The following CTNND2 variants were observed in gnomAD, a reference collection of about 807,000 sequenced individuals.
The protein encoded by CTNND2 is catenin delta 2.
Under a neutral mutation model 144.4 loss-of-function variants are expected in CTNND2, and 22 were observed. The observed-to-expected ratio is 0.15, with a 90% CI of 0.11 to 0.22. The LOEUF (loss-of-function observed/expected upper bound fraction) is 0.22, where lower values mean the gene tolerates loss of function less well. Ranked by LOEUF, CTNND2 falls within the 10% of genes least tolerant of loss-of-function variation. CTNND2 has a pLI of 1.00. For synonymous variants in CTNND2, 751 were observed against 695.6 expected, an observed-to-expected ratio of 1.08 and a Z score of -1.25; for missense variants, 1,353 against 1,618.8, an observed-to-expected ratio of 0.84 and a Z score of 2.82.
intron 3 of CTNND2, among the ~76,000 whole-genome samples, chr5:11,453,669 C>A (rs1448842068): frequency 6.6e-6 from 1 of 152,126 alleles, no homozygotes; most frequent in Non-Finnish European, 1.5e-5. Context: ...GTATTATCAG[C>A]CATGATATAT....
At chr5:11,589,556 C>A (rs1444383959) in intron 2 of CTNND2, among the ~76,000 whole-genome samples, 1 of 152,082 alleles carries the variant, frequency 6.6e-6, no homozygotes, top group African/African-American at 2.4e-5. Flanking sequence ...ATCCTACCAA[C>A]CCAAAAGGCT....
At chr5:11,479,309 T>C (rs539719270) in intron 3 of CTNND2, among the ~76,000 whole-genome samples, 1 of 152,222 alleles carries the variant, frequency 6.6e-6, no homozygotes, top group African/African-American at 2.4e-5. Context: ...TCCATCCATG[T>C]TCTGGCACAG....
At chr5:11,205,713 T>C (rs913199555) in intron 10 of CTNND2, among the ~76,000 whole-genome samples, 1 of 152,210 alleles carries the variant, frequency 6.6e-6, no homozygotes, top group East Asian at 1.9e-4. Context: ...CAGAAGTATA[T>C]TTCATAAAGG....
intron 2 of CTNND2, among the ~76,000 whole-genome samples, chr5:11,676,043 T>A (rs1417929322): frequency 6.6e-6 from 1 of 151,916 alleles, no homozygotes; most frequent in Non-Finnish European, 1.5e-5. Context: ...GTATCCTGAC[T>A]GGGAGACACC....
intron 14 of CTNND2, among the ~76,000 whole-genome samples, chr5:11,110,024 A>C (rs1482256110): frequency 6.6e-6 from 1 of 152,126 alleles, no homozygotes; most frequent in Non-Finnish European, 1.5e-5. Flanking sequence ...GATGAGATAA[A>C]TCAGTTTCCA....
chr5:11,855,723 G>A (rs1235457272), intron 1 of CTNND2, among the ~76,000 whole-genome samples: 1 of 152,204 alleles, frequency 6.6e-6, no homozygotes, highest in Non-Finnish European at 1.5e-5. Flanking sequence ...TTCTGATGCA[G>A]AGGCATTCAC....
At chr5:11,192,070 A>G (rs1736315839) in intron 11 of CTNND2, among the ~76,000 whole-genome samples, 1 of 152,176 alleles carries the variant, frequency 6.6e-6, no homozygotes, top group South Asian at 2.1e-4. Flanking sequence ...TCCCTGGTCA[A>G]ACCATGATGC....
At chr5:11,395,399 C>A (rs539272465) in intron 6 of CTNND2, among the ~76,000 whole-genome samples, 1 of 152,322 alleles carries the variant, frequency 6.6e-6, no homozygotes, top group East Asian at 1.9e-4. Flanking sequence ...CATTTCAACT[C>A]CTGGTTTGAT....
chr5:11,176,828 T>C (rs1760524724), intron 11 of CTNND2, among the ~76,000 whole-genome samples: 1 of 152,122 alleles, frequency 6.6e-6, no homozygotes, highest in African/African-American at 2.4e-5. Context: ...ATCTATCATG[T>C]CATTGCTCTC....
intron 16 of CTNND2, among the ~76,000 whole-genome samples, chr5:11,053,825 A>T (rs927895067): frequency 2.6e-5 from 4 of 152,238 alleles, no homozygotes; most frequent in East Asian, 3.8e-4. Context: ...GTGTGGTTGC[A>T]GATTACTCTT....
At position 11,076,840 on chromosome 5, in the gene CTNND2, C is replaced by T. The variant is rs61750291; in HGVS notation, c.2788+5856G>A. Among the ~76,000 whole-genome samples the T allele has an allele frequency of 4.0e-3, 612 of 152,230 alleles. 5 individuals are homozygous for T. The highest frequency in any genetic ancestry group is 0.012 in the African/African-American group (518 of 41,500). On this transcript the variant is annotated intron_variant, in intron 16 of 21. Coordinates refer to ENST00000304623, the MANE Select transcript of CTNND2 (RefSeq NM_001332.4). Reference sequence around the variant, plus strand: ...TCCTTAGCTGCAATTGTGGAGTCTGCTTCCCCCAACCTCTCATTAAAAGAA... The same window carrying T: ...TCCTTAGCTGCAATTGTGGAGTCTGTTTCCCCCAACCTCTCATTAAAAGAA...
At chr5:11,566,138 C>T (rs1296334663) in intron 2 of CTNND2, among the ~76,000 whole-genome samples, 1 of 151,984 alleles carries the variant, frequency 6.6e-6, no homozygotes, top group Non-Finnish European at 1.5e-5. Flanking sequence ...CTGGTGTGTC[C>T]CCTATATACA....
chr5:11,297,274 G>C (rs1025098421), intron 9 of CTNND2, among the ~76,000 whole-genome samples: 14 of 152,104 alleles, frequency 9.2e-5, no homozygotes, highest in Non-Finnish European at 1.5e-4. Context: ...GTAGAGTTTT[G>C]GTATAGTATC....
intron 11 of CTNND2, among the ~76,000 whole-genome samples, chr5:11,198,330 A>G (rs1176928735): frequency 6.6e-6 from 1 of 152,258 alleles, no homozygotes; most frequent in Non-Finnish European, 1.5e-5. Flanking sequence ...AAGAAAAAAC[A>G]AAAGAAAAAA....
At chr5:11,330,193 T>C (rs1752946174) in intron 9 of CTNND2, among the ~76,000 whole-genome samples, 1 of 151,220 alleles carries the variant, frequency 6.6e-6, no homozygotes, top group Non-Finnish European at 1.5e-5. Context: ...AAAATCTGGC[T>C]GGGCACGGTG....
At chr5:11,264,863 G>A (rs944727281) in intron 9 of CTNND2, among the ~76,000 whole-genome samples, 1 of 152,066 alleles carries the variant, frequency 6.6e-6, no homozygotes, top group Non-Finnish European at 1.5e-5. Context: ...CCTGGGAGGC[G>A]GAGGTTGCAG....
chr5:11,150,689 A>G (rs1223389198), intron 12 of CTNND2, among the ~76,000 whole-genome samples: 1 of 135,452 alleles, frequency 7.4e-6, no homozygotes, highest in Non-Finnish European at 1.5e-5. Flanking sequence ...GTGCAGTAGC[A>G]TGATCTCGGC....
chr5:11,358,195 C>T (rs1451873258), intron 8 of CTNND2, among the ~76,000 whole-genome samples: 1 of 152,126 alleles, frequency 6.6e-6, no homozygotes, highest in Non-Finnish European at 1.5e-5. Context: ...GTTGACATGA[C>T]ATTAATAAAC....
intron 6 of CTNND2, among the ~76,000 whole-genome samples, chr5:11,393,497 C>T (rs374061883): frequency 5.8e-4 from 89 of 152,278 alleles, no homozygotes; most frequent in African/African-American, 2.1e-3. Context: ...GTGAAACCAA[C>T]ATGTTTAGAG....
Sources: allele counts gnomAD v4.1 joint callset (sites outside exome capture counted in the v4.1 genomes callset), GRCh38; gene constraint gnomAD v4.1.1; transcripts MANE v1.5; gene names NCBI Gene and HGNC (gene_info 2026-07-23, HGNC 2026-07-21).